DYNLL2: variants seen among roughly 807,000 people sequenced by gnomAD.
DYNLL2 encodes the protein dynein light chain 2, cytoplasmic.
Under a neutral mutation model 9.7 loss-of-function variants are expected in DYNLL2, and 1 was observed. The ratio of observed to expected loss-of-function variants is 0.10; its 90% CI spans 0.04 to 0.49. The LOEUF is 0.49. Ranked by LOEUF, DYNLL2 falls within the 20% of genes least tolerant of loss-of-function variation. The pLI is 0.95. For missense variants in DYNLL2, 37 were observed against 115.2 expected (o/e 0.32, Z 3.11); for synonymous variants, 35 against 40.5 (o/e 0.86, Z 0.52).
At position 58,093,515 on chromosome 17, in the gene DYNLL2, A is replaced by G. The variant is rs1279918425; in HGVS notation, c.*4236A>G. ...CAAAGCCCATGTAGCTGGTGGCATT[A>G]CTAGAACTTAGCACTGTGATGCACA... On this transcript the variant is annotated 3_prime_UTR_variant, in exon 3 of 3. Coordinates refer to ENST00000579991, the MANE Select transcript of DYNLL2 (RefSeq NM_080677.3). 6.6e-6 allele frequency: 1 copy of G among 152,226 alleles called. No individual in the cohort carries two copies. The highest frequency in any genetic ancestry group is 1.5e-5 in the Non-Finnish European group (1 of 68,054). 9.4% of individuals were successfully genotyped at this position (152,226 alleles called of 1,614,324 possible). A position where few individuals can be genotyped will look rare whatever the true frequency, so the allele number is the denominator to read the frequency against.
At chr17:58,084,220 C>G (rs1323998594) in intron 1 of DYNLL2, among the ~76,000 whole-genome samples, 2 of 151,888 alleles carry the variant, frequency 1.3e-5, no homozygotes, top group Non-Finnish European at 2.9e-5. Context: ...GATGCTTCCT[C>G]GTTCCCCAGG....
chr17:58,085,075 A>G (rs1426050852), intron 1 of DYNLL2, among the ~76,000 whole-genome samples: 1 of 152,152 alleles, frequency 6.6e-6, no homozygotes, highest in Non-Finnish European at 1.5e-5. Flanking sequence ...GGTTCTCCGA[A>G]TCTTTCCTCA....
rs909264149 is a variant in DYNLL2, at chr17:58,089,847, G to A, written c.*568G>A. 11 of 398,660 alleles carry A rather than the reference G, an allele frequency of 2.8e-5. No individual in the cohort carries two copies. Among genetic ancestry groups the A allele is most frequent in the African/African-American group, 2.3e-4 (11 of 48,558 alleles). 24.7% of individuals were successfully genotyped at this position (398,660 alleles called of 1,614,324 possible). A position where few individuals can be genotyped will look rare whatever the true frequency, so the allele number is the denominator to read the frequency against. On this transcript the variant is annotated 3_prime_UTR_variant, in exon 3 of 3. Transcript: ENST00000579991. The stretch of plus-strand genomic sequence containing the variant: ...TCTATGGCTTGGGGCGGAGGGTGGG[G>A]TGGGGATGCCTTCTTTAGGGGCCCT...
In DYNLL2 at chr17:58,093,991, G is replaced by A. The variant is rs770854328; in HGVS notation, c.*4712G>A. On this transcript the variant is annotated 3_prime_UTR_variant, in exon 3 of 3. Transcript: ENST00000579991. The stretch of plus-strand genomic sequence containing the variant: ...TGCCAATATAGAGGTTCATAAGAAA[G>A]ATAAAAGAGAACCAGCAGAACCCCA... 2 of 152,162 alleles carry A rather than the reference G, an allele frequency of 1.3e-5. No individual in the cohort carries two copies. The highest frequency in any genetic ancestry group is 2.4e-5 in the African/African-American group (1 of 41,428). The allele number at this position is 152,162 out of a possible 1,614,324, so 9.4% of individuals were successfully genotyped here. A position where few individuals can be genotyped will look rare whatever the true frequency, so the allele number is the denominator to read the frequency against.
rs374060574 is a variant in DYNLL2 at position 58,084,254 on chromosome 17, C to T, written c.-10+571C>T. ...GGTGCTGCCCTTCGGGACCGCAGCGCTCTGGAGGATGGGATAGTGGAGGGA... is the reference window on the plus strand; with the variant it reads ...GGTGCTGCCCTTCGGGACCGCAGCGTTCTGGAGGATGGGATAGTGGAGGGA... On this transcript the variant is annotated intron_variant, in intron 1 of 2. Coordinates refer to ENST00000579991, the MANE Select transcript of DYNLL2 (RefSeq NM_080677.3). 3.5e-4 allele frequency among the ~76,000 whole-genome samples: 53 copies of T among 152,206 alleles called. No individual in the cohort carries two copies. The East Asian group carries it at 0.01, about 29-fold the overall frequency.
chr17:58,088,250 A>G (rs756852628), intron 2 of DYNLL2, among the ~76,000 whole-genome samples: 8 of 152,196 alleles, frequency 5.3e-5, no homozygotes, highest in Non-Finnish European at 7.3e-5. Flanking sequence ...GCTCTCCTGT[A>G]TTACACATAG....
chr17:58,089,390 C>A lies in DYNLL2; in HGVS notation c.*111C>A. 7.2e-7 allele frequency: 1 copy of A among 1,389,994 alleles called. No homozygotes were observed. The highest frequency in any genetic ancestry group is 1.4e-5 in the African/African-American group (1 of 69,370). 86.1% of individuals were successfully genotyped at this position (1,389,994 alleles called of 1,614,324 possible). On this transcript the variant is annotated 3_prime_UTR_variant, in exon 3 of 3. Transcript: ENST00000579991. ...CAGGATGTCCTCTCCAATGGCTGTG[C>A]TACTGCATGGACTGTATACTCGATT...
chr17:58,085,946 G>A (rs975122872), intron 1 of DYNLL2, among the ~76,000 whole-genome samples: 4 of 152,170 alleles, frequency 2.6e-5, no homozygotes, highest in Admixed American at 1.3e-4. Flanking sequence ...AGGAAGCAAC[G>A]CACCAAAGAG....
chr17:58,087,340 C>G, intron 2 of DYNLL2, 118 bp downstream of exon 2: 2 of 1,411,356 alleles, frequency 1.4e-6, no homozygotes, highest in Non-Finnish European at 1.9e-6. Context: ...CAAGCAAAAC[C>G]CTAGGAACTT....
chr17:58,093,918 G>C lies in DYNLL2; in HGVS notation c.*4639G>C, dbSNP rs965456824. The C allele has an allele frequency of 6.6e-6, 1 of 152,198 alleles. No individual in the cohort carries two copies. Among genetic ancestry groups the C allele is most frequent in the African/African-American group, 2.4e-5 (1 of 41,420 alleles). 9.4% of individuals were successfully genotyped at this position (152,198 alleles called of 1,614,324 possible). On this transcript the variant is annotated 3_prime_UTR_variant, in exon 3 of 3. Transcript: ENST00000579991. The stretch of plus-strand genomic sequence containing the variant: ...TCTCTCTGTGATGTATGTGGGCTTG[G>C]TGTCCACATCAATGTGCGTGAATAC...
chr17:58,089,836 C>T lies in DYNLL2; in HGVS notation c.*557C>T, dbSNP rs1209353924. On this transcript the variant is annotated 3_prime_UTR_variant, in exon 3 of 3. Transcript: ENST00000579991. The stretch of plus-strand genomic sequence containing the variant: ...TGAACTGTGATTCTATGGCTTGGGG[C>T]GGAGGGTGGGGTGGGGATGCCTTCT... The T allele has an allele frequency of 2.5e-5, 10 of 396,410 alleles. No individual in the cohort carries two copies. Among genetic ancestry groups the T allele is most frequent in the South Asian group, 1.3e-4 (1 of 7,784 alleles). 24.6% of individuals were successfully genotyped at this position (396,410 alleles called of 1,614,324 possible).
rs971670571 is a variant in DYNLL2, at chr17:58,091,563, A to G, written c.*2284A>G. The G allele has an allele frequency of 1.3e-5, 2 of 152,162 alleles. No individual in the cohort carries two copies. Among genetic ancestry groups the G allele is most frequent in the African/African-American group, 4.8e-5 (2 of 41,404 alleles). 9.4% of individuals were successfully genotyped at this position (152,162 alleles called of 1,614,324 possible). On this transcript the variant is annotated 3_prime_UTR_variant, in exon 3 of 3. Transcript: ENST00000579991. ...GACCTGCCTGAGCTTTGCTGCTTCAACTTTTGCCCAAAGCTCTTATCTTTC... is the reference window on the plus strand; with the variant it reads ...GACCTGCCTGAGCTTTGCTGCTTCAGCTTTTGCCCAAAGCTCTTATCTTTC...
At position 58,089,287 on chromosome 17, in the gene DYNLL2, T is replaced by C; in HGVS notation, c.*8T>C. 1 of 1,610,948 alleles carries C rather than the reference T, an allele frequency of 6.2e-7. No individual in the cohort carries two copies. Among genetic ancestry groups the C allele is most frequent in the Non-Finnish European group, 8.5e-7 (1 of 1,178,086 alleles). Reference sequence around the variant, plus strand: ...CTCTTCAAGTCAGGCTAGGTGGCCATGGTGAAGGTGTCAGTGGCGGCGGCA... The same window carrying C: ...CTCTTCAAGTCAGGCTAGGTGGCCACGGTGAAGGTGTCAGTGGCGGCGGCA... On this transcript the variant is annotated 3_prime_UTR_variant, in exon 3 of 3. Coordinates refer to ENST00000579991, the MANE Select transcript of DYNLL2 (RefSeq NM_080677.3).
chr17:58,087,556 A>G (rs1314053798), intron 2 of DYNLL2, among the ~76,000 whole-genome samples: 2 of 152,224 alleles, frequency 1.3e-5, no homozygotes, highest in African/African-American at 2.4e-5. Flanking sequence ...GAACTATTCA[A>G]AATTAAAATC....
rs1296779202 is a variant in DYNLL2, at chr17:58,090,761, T to A, written c.*1482T>A. The stretch of plus-strand genomic sequence containing the variant: ...AATAGGAGTGGGGTGGGGTTTGGGG[T>A]GGGGTGGTCATTGCCGTTTGAGCTG... On this transcript the variant is annotated 3_prime_UTR_variant, in exon 3 of 3. Transcript: ENST00000579991. 1 of 78,206 alleles carries A rather than the reference T, an allele frequency of 1.3e-5. No individual in the cohort carries two copies. The highest frequency in any genetic ancestry group is 2.5e-5 in the Non-Finnish European group (1 of 39,940). The allele number at this position is 78,206 out of a possible 1,614,324, so 4.8% of individuals were successfully genotyped here. A position where few individuals can be genotyped will look rare whatever the true frequency, so the allele number is the denominator to read the frequency against.
chr17:58,092,799 T>C lies in DYNLL2; in HGVS notation c.*3520T>C, dbSNP rs907027575. The C allele has an allele frequency of 6.6e-6, 1 of 152,248 alleles. No homozygotes were observed. Among genetic ancestry groups the C allele is most frequent in the Admixed American group, 6.5e-5 (1 of 15,286 alleles). The allele number at this position is 152,248 out of a possible 1,614,324, so 9.4% of individuals were successfully genotyped here. Reference sequence around the variant, plus strand: ...CTTTGTTGCTGTGGCACTGTCGATCTCTGTTCCCTGAACTCTAGTGTCCTC... The same window carrying C: ...CTTTGTTGCTGTGGCACTGTCGATCCCTGTTCCCTGAACTCTAGTGTCCTC... On this transcript the variant is annotated 3_prime_UTR_variant, in exon 3 of 3. Transcript: ENST00000579991.
At position 58,083,865 on chromosome 17, in the gene DYNLL2, G is replaced by T. The variant is rs372699543; in HGVS notation, c.-10+182G>T. Among the ~76,000 whole-genome samples, 7 of 151,318 alleles carry T rather than the reference G, an allele frequency of 4.6e-5. 1 individual carries two copies. Among genetic ancestry groups the T allele is most frequent in the Admixed American group, 6.6e-5 (1 of 15,266 alleles). ...CCGGGCAGCGCAGCGCGCCCCCGCC[G>T]CCCCTCCCTCTCGGCGCAGCCCGGG... On this transcript the variant is annotated intron_variant, in intron 1 of 2. Transcript: ENST00000579991.
chr17:58,083,884 G>C (rs926423268), intron 1 of DYNLL2, among the ~76,000 whole-genome samples: 1 of 151,250 alleles, frequency 6.6e-6, no homozygotes, highest in African/African-American at 2.4e-5. Context: ...TCTCGGCGCA[G>C]CCCGGGCTGC....
Position 58,087,228 on chromosome 17 carries a change from C to T in DYNLL2, c.132+6C>T, listed in dbSNP as rs774528476. 6.2e-7 allele frequency: 1 copy of T among 1,612,792 alleles called. No individual in the cohort carries two copies. On this transcript the variant is annotated splice_donor_region_variant and intron_variant, in intron 2 of 2. Coordinates refer to ENST00000579991, the MANE Select transcript of DYNLL2 (RefSeq NM_080677.3). ...TTGCTGCCTATATCAAGAAGGTGTG[C>T]TGGGAGAGCTGGGACTGATGGCCAG... is the stretch of plus-strand genomic sequence containing the variant.
Sources: gnomAD v4.1 joint callset for allele counts (sites outside exome capture counted in the v4.1 genomes callset) on GRCh38, gnomAD v4.1.1 for gene constraint, MANE v1.5 for transcripts, NCBI Gene and HGNC (gene_info 2026-07-23, HGNC 2026-07-21) for gene names.